CPB1: variants seen among roughly 807,000 people sequenced by gnomAD.
CPB1 encodes carboxypeptidase B.
In CPB1, 53 loss-of-function variants were observed where a neutral mutation model predicts 51.4. That is an observed-to-expected ratio of 1.03 (90% confidence interval 0.83 to 1.30). CPB1 has a LOEUF of 1.30. Ranked by LOEUF, CPB1 falls within the 50% of genes most tolerant of loss-of-function variation. The pLI, the probability that CPB1 is intolerant of heterozygous loss-of-function variation, is 0.00. For synonymous variants in CPB1, 189 were observed against 186.9 expected (o/e 1.01, Z -0.09); for missense variants, 494 against 516.2 (o/e 0.96, Z 0.42).
At chr3:148,859,735 A>G (rs529835947) in intron 10 of CPB1, 80 bp from the exon 11 acceptor site, 2 of 1,388,302 alleles carry the variant, frequency 1.4e-6, no homozygotes, top group Admixed American at 2.2e-5. Flanking sequence ...AAACATTTGT[A>G]ATGAAAAAAG....
At chr3:148,857,577 G>A (rs1382985230) in intron 10 of CPB1, 36 bp downstream of exon 10, 2 of 1,547,768 alleles carry the variant, frequency 1.3e-6, no homozygotes, top group African/African-American at 2.7e-5. Context: ...AAAGAACCAT[G>A]TGCCTAAAAA....
Position 148,834,486 on chromosome 3 carries a change from TC to T in CPB1, c.148-10del, listed in dbSNP as rs755134862. The stretch of plus-strand genomic sequence containing the variant: ...AATTATAGGTATCCAATATATCTTG[TC>T]CTTTATTCAGATTGACTTCTGGAAG... On this transcript the variant is annotated splice_polypyrimidine_tract_variant and intron_variant, in intron 2 of 10. Transcript: ENST00000282957. The T allele has an allele frequency of 6.8e-5, 109 of 1,611,912 alleles. No homozygotes were observed. In the African/African-American group the frequency reaches 1.3e-3, roughly 19 times the overall value.
intron 3 of CPB1, among the ~76,000 whole-genome samples, chr3:148,834,929 A>C (rs1338919268): frequency 1.3e-5 from 2 of 152,224 alleles, no homozygotes; most frequent in Non-Finnish European, 2.9e-5. Flanking sequence ...TGGATACTCT[A>C]TTCTCAGCTA....
intron 6 of CPB1, among the ~76,000 whole-genome samples, chr3:148,843,791 G>C (rs925856318): frequency 5.3e-5 from 8 of 152,082 alleles, no homozygotes; most frequent in African/African-American, 1.9e-4. Flanking sequence ...CATATTAAAT[G>C]GGCATGATGT....
chr3:148,846,840 T>TATA (rs1559960232), intron 9 of CPB1, among the ~76,000 whole-genome samples: 1 of 123,302 alleles, frequency 8.1e-6, no homozygotes, highest in Admixed American at 8.5e-5. Context: ...TATATATATA[T>TATA]ATGTTAGCAC....
chr3:148,845,837 G>A (rs927234501), intron 9 of CPB1, among the ~76,000 whole-genome samples: 8 of 152,062 alleles, frequency 5.3e-5, no homozygotes, highest in African/African-American at 1.9e-4. Context: ...CCCCACATGC[G>A]ATTTATTGAC....
chr3:148,839,933 C>T (rs925886480), intron 3 of CPB1, among the ~76,000 whole-genome samples: 1 of 141,846 alleles, frequency 7.0e-6, no homozygotes, highest in African/African-American at 2.5e-5. Flanking sequence ...TGAAGTCACA[C>T]ACACATACAC....
At chr3:148,831,081 C>T (rs1712721112) in intron 2 of CPB1, among the ~76,000 whole-genome samples, 1 of 152,162 alleles carries the variant, frequency 6.6e-6, no homozygotes. Context: ...AGATCCGTGA[C>T]CACACTGTAC....
At chr3:148,841,388 C>T (rs3772598) in intron 5 of CPB1, among the ~76,000 whole-genome samples, 148,778 of 152,330 alleles carry the variant, frequency 0.98, 72,681 homozygotes, top group African/African-American at 0.99. Flanking sequence ...ATTTTTGTCA[C>T]GTAATTCTAA....
intron 2 of CPB1, among the ~76,000 whole-genome samples, chr3:148,830,451 AT>A (rs536620363): frequency 1.5e-3 from 222 of 152,292 alleles, no homozygotes; most frequent in African/African-American, 5.0e-3. Context: ...CATTTGTAAA[AT>A]GAAGATGATA....
chr3:148,837,542 A>G (rs1045997099), intron 3 of CPB1, among the ~76,000 whole-genome samples: 1 of 151,970 alleles, frequency 6.6e-6, no homozygotes, highest in Admixed American at 6.6e-5. Context: ...AAAAGTATAA[A>G]ATACTATACA....
chr3:148,849,705 C>T (rs1021114358), intron 9 of CPB1, among the ~76,000 whole-genome samples: 13 of 152,340 alleles, frequency 8.5e-5, no homozygotes, highest in African/African-American at 2.9e-4. Flanking sequence ...AGGTGCCAAT[C>T]CAGGGCATGT....
intron 3 of CPB1, among the ~76,000 whole-genome samples, chr3:148,839,695 C>T (rs555164375): frequency 9.8e-5 from 15 of 152,312 alleles, no homozygotes; most frequent in Middle Eastern, 3.4e-3. Context: ...CCCTGACATA[C>T]TTCATCAGAA....
chr3:148,843,465 G>T (rs1322324090), intron 6 of CPB1, among the ~76,000 whole-genome samples: 1 of 151,940 alleles, frequency 6.6e-6, no homozygotes, highest in Non-Finnish European at 1.5e-5. Flanking sequence ...GTATCAGATT[G>T]GCATCACTTA....
At chr3:148,858,137 G>T (rs1240971590) in intron 10 of CPB1, among the ~76,000 whole-genome samples, 1 of 152,110 alleles carries the variant, frequency 6.6e-6, no homozygotes, top group Admixed American at 6.5e-5. Context: ...TGTGATACAG[G>T]TGCTAAGTGC....
At chr3:148,850,549 G>C (rs763726977) in intron 9 of CPB1, among the ~76,000 whole-genome samples, 1 of 152,138 alleles carries the variant, frequency 6.6e-6, no homozygotes, top group Non-Finnish European at 1.5e-5. Context: ...TGATCCGCCT[G>C]CCTCAGCCTC....
At chr3:148,844,126 T>C (rs910221013) in intron 6 of CPB1, among the ~76,000 whole-genome samples, 4 of 152,154 alleles carry the variant, frequency 2.6e-5, no homozygotes, top group Admixed American at 6.6e-5. Flanking sequence ...CTTACACTTA[T>C]ACCCTACTAA....
At position 148,860,092 on chromosome 3, in the gene CPB1, C is replaced by A. The variant is rs11542305; in HGVS notation, c.*90C>A. On this transcript the variant is annotated 3_prime_UTR_variant, in exon 11 of 11. Transcript: ENST00000282957. ...TATTTTGGTTTGCCTGGATGTTTTG[C>A]AGATCCCAATCTTTCTTTTAAGCTT... The A allele has an allele frequency of 7.9e-7, 1 of 1,268,136 alleles. No homozygotes were observed. The allele number at this position is 1,268,136 out of a possible 1,614,324, so 78.6% of individuals were successfully genotyped here. A position where few individuals can be genotyped will look rare whatever the true frequency, so the allele number is the denominator to read the frequency against.
At chr3:148,846,369 G>A (rs1189631192) in intron 9 of CPB1, among the ~76,000 whole-genome samples, 1 of 151,644 alleles carries the variant, frequency 6.6e-6, no homozygotes, top group Non-Finnish European at 1.5e-5. Flanking sequence ...TTTAATTTAT[G>A]AAACATCTGG....
Sources: gnomAD v4.1 joint callset for allele counts (sites outside exome capture counted in the v4.1 genomes callset) on GRCh38, gnomAD v4.1.1 for gene constraint, MANE v1.5 for transcripts, NCBI Gene and HGNC (gene_info 2026-07-23, HGNC 2026-07-21) for gene names.